Variants in NBPF15 observed in about 807,000 individuals in gnomAD.
NBPF15 encodes NBPF family member NBPF15.
In NBPF15, 74 loss-of-function variants were observed where a neutral mutation model predicts 62.2. The observed-to-expected ratio is 1.19, with a 90% confidence interval of 0.99 to 1.44. The LOEUF is 1.44. Among genes scored for constraint, NBPF15 ranks in the 40% most tolerant of loss-of-function variants. NBPF15 has a pLI of 0.00. For synonymous variants in NBPF15, 244 were observed against 209.7 expected, an observed-to-expected ratio of 1.16 and a Z score of -1.41; for missense variants, 790 against 550.0, an observed-to-expected ratio of 1.44 and a Z score of -4.36.
chr1:144,431,790 G>C (rs1283093393), intron 13 of NBPF15, among the ~76,000 whole-genome samples: 1 of 137,922 alleles, frequency 7.3e-6, no homozygotes, highest in Non-Finnish European at 1.6e-5. Flanking sequence ...ATGGTTTCCA[G>C]CTTCATCCAT....
intron 6 of NBPF15, among the ~76,000 whole-genome samples, chr1:144,448,103 T>C (rs200791955): frequency 1.1e-4 from 16 of 152,006 alleles, no homozygotes; most frequent in South Asian, 2.1e-4. Flanking sequence ...ATTTCTCCTT[T>C]ATCATAAAAG....
rs1308991203 is a variant in NBPF15 at position 144,428,401 on chromosome 1, T to G, written c.1040+205A>C. 5.9e-4 allele frequency among the ~76,000 whole-genome samples: 89 copies of G among 151,254 alleles called. 1 individual carries two copies. Among genetic ancestry groups the G allele is most frequent in the Non-Finnish European group, 1.1e-3 (76 of 67,966 alleles). On this transcript the variant is annotated intron_variant, in intron 15 of 21. Coordinates refer to ENST00000581897, the MANE Select transcript of NBPF15 (RefSeq NM_001385408.1). ...TACAGCTTTTGAGGTATGGTCAACC[T>G]TCACTAGGTTAGTAAATGATAAGTG...
chr1:144,450,518 A>G (rs1427695636), intron 5 of NBPF15, among the ~76,000 whole-genome samples: 1 of 150,558 alleles, frequency 6.6e-6, no homozygotes. Flanking sequence ...CTAGGAATAA[A>G]ACACAGCCAG....
intron 4 of NBPF15, among the ~76,000 whole-genome samples, chr1:144,451,798 G>A (rs1257508468): frequency 6.6e-6 from 1 of 151,290 alleles, no homozygotes; most frequent in African/African-American, 2.5e-5. Flanking sequence ...GAACAAAATG[G>A]AGTCTCTTAT....
At chr1:144,430,867 A>C (rs2101857211) in intron 13 of NBPF15, among the ~76,000 whole-genome samples, 1 of 152,176 alleles carries the variant, frequency 6.6e-6, no homozygotes, top group Admixed American at 6.6e-5. Flanking sequence ...TGAACAGTGT[A>C]GAGAAGACCT....
At position 144,423,874 on chromosome 1, in the gene NBPF15, G is replaced by A; in HGVS notation, c.1765C>T (p.Pro589Ser). ...TCCACAATTGCTGAAAGTTACCTGG[G>A]GCATGGTGGGTTGTCATCTTCCCCT... ...KEGEDDNPPC[P>S]RLYGVLMEVE... is the part of the protein sequence containing the mutation. Residue 589 changes from proline to serine, a missense_variant, in exon 21 of 22, where the codon CCC (proline) becomes TCC (serine). Coordinates refer to ENST00000581897, the MANE Select transcript of NBPF15 (RefSeq NM_001385408.1). The A allele has an allele frequency of 1.3e-6, 1 of 770,452 alleles. No homozygotes were observed. Among genetic ancestry groups the A allele is most frequent in the South Asian group, 1.3e-5 (1 of 74,614 alleles). The allele number at this position is 770,452 out of a possible 1,614,324, so 47.7% of individuals were successfully genotyped here.
chr1:144,434,293 G>A (rs1676575040), intron 12 of NBPF15, among the ~76,000 whole-genome samples: 3 of 144,544 alleles, frequency 2.1e-5, no homozygotes, highest in Admixed American at 2.0e-4. Flanking sequence ...TTGAGGTCAT[G>A]AGTTCAGGAC....
intron 4 of NBPF15, among the ~76,000 whole-genome samples, chr1:144,451,570 C>T (rs1477464870): frequency 6.6e-6 from 1 of 151,938 alleles, no homozygotes; most frequent in African/African-American, 2.4e-5. Flanking sequence ...CTGCAGTCTT[C>T]CGCAGTGTAG....
At chr1:144,439,078 G>A (rs1266432673) in intron 8 of NBPF15, among the ~76,000 whole-genome samples, 2 of 151,624 alleles carry the variant, frequency 1.3e-5, no homozygotes, top group African/African-American at 2.4e-5. Flanking sequence ...CAGCCTCCTG[G>A]GTTCAAAGGA....
At chr1:144,446,012 T>C (rs367930650) in intron 6 of NBPF15, among the ~76,000 whole-genome samples, 145,788 of 146,430 alleles carry the variant, frequency 1, 72,582 homozygotes, top group East Asian at 1. Context: ...CATGCCACCA[T>C]GCCTAGCTAA....
chr1:144,452,722 G>T (rs1184589404), intron 4 of NBPF15, among the ~76,000 whole-genome samples: 2 of 149,612 alleles, frequency 1.3e-5, no homozygotes, highest in African/African-American at 2.5e-5. Context: ...GTCATCACTT[G>T]TCCTCACAGC....
intron 2 of NBPF15, among the ~76,000 whole-genome samples, chr1:144,459,838 G>A (rs1257277945): frequency 6.6e-6 from 1 of 151,550 alleles, no homozygotes; most frequent in African/African-American, 2.4e-5. Context: ...AAGGATGTGG[G>A]GTAACCAGAG....
At chr1:144,432,545 T>C (rs1433074534) in intron 13 of NBPF15, among the ~76,000 whole-genome samples, 3 of 151,966 alleles carry the variant, frequency 2.0e-5, no homozygotes, top group Admixed American at 1.3e-4. Context: ...CCCATCAGTG[T>C]GCTGTACTCA....
In NBPF15 at chr1:144,423,244, C is replaced by T; in HGVS notation, c.1782G>A (p.Val594=). 6.2e-7 allele frequency: 1 copy of T among 1,611,450 alleles called. No individual in the cohort carries two copies. The highest frequency in any genetic ancestry group is 8.5e-7 in the Non-Finnish European group (1 of 1,179,574). The stretch of plus-strand genomic sequence containing the variant: ...CTTCAGGCTCTTCCACTTCCATCAG[C>T]ACGCCGTAGAGCCTGGAAAAGGAGA... ...DNPPCPRLYG[V]LMEVEEPEVL... Residue 594 remains valine (V), a synonymous_variant, in exon 22 of 22, where the codon GTG becomes GTA. Transcript: ENST00000581897.
chr1:144,447,148 G>A (rs1171340878), intron 6 of NBPF15, among the ~76,000 whole-genome samples: 6 of 152,288 alleles, frequency 3.9e-5, no homozygotes, highest in Non-Finnish European at 8.8e-5. Flanking sequence ...CTGTTGTTCT[G>A]ACAGCAGGGA....
chr1:144,437,901 T>G (rs782520829), intron 9 of NBPF15, 44 bp downstream of exon 9: 1 of 1,610,986 alleles, frequency 6.2e-7, no homozygotes, highest in Admixed American at 1.7e-5. Flanking sequence ...ACTTCAGAGA[T>G]TTACACACCT....
chr1:144,453,552 C>T (rs1692517689), intron 4 of NBPF15, among the ~76,000 whole-genome samples: 1 of 144,922 alleles, frequency 6.9e-6, no homozygotes, highest in Non-Finnish European at 1.5e-5. Flanking sequence ...AAGTCACAGA[C>T]TGGTAGAAAA....
chr1:144,426,923 A>C (rs1395645027), intron 17 of NBPF15, 124 bp downstream of exon 17: 60 of 591,388 alleles, frequency 1.0e-4, no homozygotes, highest in Non-Finnish European at 1.6e-4. Context: ...AACCAACAGC[A>C]ATGTCAGGAG....
rs1311959074 is a variant in NBPF15 at position 144,431,265 on chromosome 1, T to G, written c.825-1402A>C. On this transcript the variant is annotated intron_variant, in intron 13 of 21. Transcript: ENST00000581897. ...CTCGAGAAGAGCAACCCCAAAACAC[T>G]TAATTGTCAGATTCACCAAGGTTGA... 1.2e-3 allele frequency among the ~76,000 whole-genome samples: 176 copies of G among 149,722 alleles called. 4 individuals carry two copies. Among genetic ancestry groups the G allele is most frequent in the Non-Finnish European group, 3.0e-4 (20 of 67,544 alleles).
Sources: allele counts gnomAD v4.1 joint callset (sites outside exome capture counted in the v4.1 genomes callset), GRCh38; gene constraint gnomAD v4.1.1; transcripts MANE v1.5; gene names NCBI Gene and HGNC (gene_info 2026-07-23, HGNC 2026-07-21).